GLRA1: variants seen among roughly 807,000 people sequenced by gnomAD.
GLRA1 encodes the protein glycine receptor alpha 1, also known as glycine receptor subunit alpha-1.
GLRA1 carries 37 observed loss-of-function variants against 48.3 expected under a neutral mutation model. The ratio of observed to expected loss-of-function variants is 0.77; its 90% CI spans 0.59 to 1.01. The LOEUF is 1.01. GLRA1 is among the 50% of genes least tolerant of loss of function. The pLI is 0.00. For synonymous variants in GLRA1, 196 were observed against 210.7 expected, an observed-to-expected ratio of 0.93 and a Z score of 0.60; for missense variants, 427 against 571.0, an observed-to-expected ratio of 0.75 and a Z score of 2.57.
chr5:151,898,342 T>C (rs1226360842), intron 1 of GLRA1, among the ~76,000 whole-genome samples: 1 of 152,198 alleles, frequency 6.6e-6, no homozygotes, highest in Non-Finnish European at 1.5e-5. Flanking sequence ...CCAACCTGTT[T>C]CTCAAGGTTT....
chr5:151,850,142 AC>A, intron 7 of GLRA1: 9 of 1,603,722 alleles, frequency 5.6e-6, no homozygotes, highest in Non-Finnish European at 7.7e-6. Context: ...GCTTCCCAGG[AC>A]CCCAGGGTCC....
chr5:151,823,027 A>T (rs1323655055), intron 8 of GLRA1, 64 bp from the exon 9 acceptor site: 11 of 1,431,734 alleles, frequency 7.7e-6, no homozygotes, highest in Non-Finnish European at 1.0e-5. Flanking sequence ...CCTCCCTGCA[A>T]GGCACTCCCT....
At chr5:151,857,393 CTT>C (rs1753076420) in intron 4 of GLRA1, among the ~76,000 whole-genome samples, 2 of 152,164 alleles carry the variant, frequency 1.3e-5, no homozygotes, top group Non-Finnish European at 2.9e-5. Flanking sequence ...GGAGACCTGT[CTT>C]TAGCAAGTTG....
At position 151,850,247 on chromosome 5, in the gene GLRA1, G is replaced by A. The variant is rs1042321616; in HGVS notation, c.912+1143C>T. ...GCTTGTATGCTGGAGCCAAGATGGT[G>A]GGTACTAATGCTGAGGTCATGCCTG... On this transcript the variant is annotated intron_variant, in intron 7 of 8. Transcript: ENST00000274576. The A allele has an allele frequency of 7.5e-6, 12 of 1,604,696 alleles. No homozygotes were observed. The African/African-American group carries it at 1.6e-4, about 21-fold the overall frequency.
chr5:151,924,503 A>G lies in GLRA1; in HGVS notation c.47T>C (p.Val16Ala), dbSNP rs776026097. 22 of 1,592,900 alleles carry G rather than the reference A, an allele frequency of 1.4e-5. No homozygotes were observed. Among genetic ancestry groups the G allele is most frequent in the Non-Finnish European group, 1.7e-5 (20 of 1,160,712 alleles). ...TLRLYLWETI[V>A]FFSLAASKEA... ...GTAGAAAATTGCATACCTGAAGAAT[A>G]CAATGGTCTCCCAAAGGTAGAGTCG... is the stretch of plus-strand genomic sequence containing the variant. Residue 16 changes from valine to alanine, a missense_variant, in exon 1 of 9, where the codon GTA (valine) becomes GCA (alanine). Coordinates refer to ENST00000274576, the MANE Select transcript of GLRA1 (RefSeq NM_000171.4).
At chr5:151,834,925 G>C (rs1763529046) in intron 7 of GLRA1, among the ~76,000 whole-genome samples, 1 of 151,658 alleles carries the variant, frequency 6.6e-6, no homozygotes, top group East Asian at 1.9e-4. Context: ...CTACTTGGGA[G>C]GCTGAGGCAG....
chr5:151,914,712 A>ATCTCTACC (rs1400517466), intron 1 of GLRA1, among the ~76,000 whole-genome samples: 1 of 152,202 alleles, frequency 6.6e-6, no homozygotes, highest in Non-Finnish European at 1.5e-5. Flanking sequence ...GTGGCTGACC[A>ATCTCTACC]TCTCTACCCC....
intron 1 of GLRA1, among the ~76,000 whole-genome samples, chr5:151,916,812 T>C (rs181110941): frequency 2.0e-5 from 3 of 152,274 alleles, no homozygotes; most frequent in African/African-American, 4.8e-5. Context: ...TTATCTAGTG[T>C]CACATAGAGT....
At chr5:151,919,740 C>A (rs1754828146) in intron 1 of GLRA1, among the ~76,000 whole-genome samples, 1 of 152,182 alleles carries the variant, frequency 6.6e-6, no homozygotes, top group Admixed American at 6.5e-5. Context: ...GGTCATAGAA[C>A]CCTCTCAAGG....
intron 1 of GLRA1, among the ~76,000 whole-genome samples, chr5:151,900,190 G>T (rs1206508976): frequency 1.3e-5 from 2 of 152,114 alleles, no homozygotes; most frequent in Non-Finnish European, 2.9e-5. Flanking sequence ...ATTTAAGGAG[G>T]CACTCAATCC....
intron 3 of GLRA1, among the ~76,000 whole-genome samples, chr5:151,869,831 G>C (rs74294719): frequency 6.7e-6 from 1 of 149,790 alleles, no homozygotes; most frequent in East Asian, 1.9e-4. Context: ...AAAATTTAGA[G>C]TGGTTAAATG....
chr5:151,850,746 G>T (rs1424046199), intron 7 of GLRA1: 2 of 1,042,960 alleles, frequency 1.9e-6, no homozygotes, highest in African/African-American at 1.6e-5. Flanking sequence ...TCATCAACAC[G>T]TGTCTTCTCA....
intron 7 of GLRA1, chr5:151,849,039 A>G (rs769655800): frequency 1.9e-5 from 10 of 530,678 alleles, no homozygotes; most frequent in Non-Finnish European, 3.2e-5. Flanking sequence ...AGTGAGCCCA[A>G]CTGTGTGGAA....
chr5:151,905,350 T>C (rs1754450897), intron 1 of GLRA1, among the ~76,000 whole-genome samples: 1 of 152,090 alleles, frequency 6.6e-6, no homozygotes, highest in Non-Finnish European at 1.5e-5. Flanking sequence ...CTCTTTATTT[T>C]TGACTGAAGA....
chr5:151,888,070 G>T (rs570880826), intron 2 of GLRA1, among the ~76,000 whole-genome samples: 2 of 152,320 alleles, frequency 1.3e-5, no homozygotes, highest in South Asian at 2.1e-4. Context: ...ACTTGACAAA[G>T]GTAGCACCAA....
intron 1 of GLRA1, among the ~76,000 whole-genome samples, chr5:151,907,829 G>T (rs1026988061): frequency 6.6e-6 from 1 of 152,230 alleles, no homozygotes; most frequent in Non-Finnish European, 1.5e-5. Flanking sequence ...GACCTTGGAA[G>T]GTCTCTTTCT....
At chr5:151,846,937 T>C (rs941882250) in intron 7 of GLRA1, among the ~76,000 whole-genome samples, 19 of 152,196 alleles carry the variant, frequency 1.2e-4, no homozygotes, top group African/African-American at 4.6e-4. Context: ...TATTTTGAGG[T>C]GAATTGCCAT....
Position 151,924,473 on chromosome 5 carries a change from G to C in GLRA1, c.56+21C>G, listed in dbSNP as rs1251828003. 2.1e-6 allele frequency: 3 copies of C among 1,432,118 alleles called. No homozygotes were observed. The South Asian group carries it at 3.4e-5, about 16-fold the overall frequency. 88.7% of individuals were successfully genotyped at this position (1,432,118 alleles called of 1,614,324 possible). A position where few individuals can be genotyped will look rare whatever the true frequency, so the allele number is the denominator to read the frequency against. On this transcript the variant is annotated intron_variant, in intron 1 of 8. Transcript: ENST00000274576. Reference sequence around the variant, plus strand: ...CCCCCCATTTCCATCAGAGCGATGTGGTCAGTAGAAAATTGCATACCTGAA... The same window carrying C: ...CCCCCCATTTCCATCAGAGCGATGTCGTCAGTAGAAAATTGCATACCTGAA...
chr5:151,828,669 G>A lies in GLRA1; in HGVS notation c.1059+252C>T, dbSNP rs113460149. On this transcript the variant is annotated intron_variant, in intron 8 of 8. Coordinates refer to ENST00000274576, the MANE Select transcript of GLRA1 (RefSeq NM_000171.4). Reference sequence around the variant, plus strand: ...CATCAGCTTTTAGTTAATCAGTTGCGCCTTTAGGTATAACTTGATAATTTC... The same window carrying A: ...CATCAGCTTTTAGTTAATCAGTTGCACCTTTAGGTATAACTTGATAATTTC... Among the ~76,000 whole-genome samples, 1,805 of 152,174 alleles carry A rather than the reference G, an allele frequency of 0.012. 14 individuals are homozygous for A. Among genetic ancestry groups the A allele is most frequent in the Non-Finnish European group, 0.017 (1,173 of 68,012 alleles).
Sources: allele counts gnomAD v4.1 joint callset (sites outside exome capture counted in the v4.1 genomes callset), GRCh38; gene constraint gnomAD v4.1.1; transcripts MANE v1.5; gene names NCBI Gene and HGNC (gene_info 2026-07-23, HGNC 2026-07-21).